The following ZBTB38 variants were observed in gnomAD, a reference collection of about 807,000 sequenced individuals.
The protein encoded by ZBTB38 is zinc finger and BTB domain-containing protein 38.
A neutral mutation model predicts 76.8 loss-of-function variants in ZBTB38; 20 were observed. That is an observed-to-expected ratio of 0.26 (90% confidence interval 0.18 to 0.38). The LOEUF (loss-of-function observed/expected upper bound fraction) is 0.38. ZBTB38 is among the 10% of genes least tolerant of loss of function. The probability of loss-of-function intolerance (pLI) is 1.00; values close to 1 mark genes in which losing one functional copy is unlikely to be tolerated. For missense variants in ZBTB38, 1,082 were observed against 1,482.3 expected (o/e 0.73, Z 4.43); for synonymous variants, 504 against 544.2 (o/e 0.93, Z 1.03).
rs146241604 is a variant in ZBTB38 at position 141,333,363 on chromosome 3, G to A, written c.-739+8907G>A. ...TCACATGGTTGGTTGCTCACTCCAGGCCCACTTCATCCCTGCTTCTGTCTG... is the reference window on the plus strand; with the variant it reads ...TCACATGGTTGGTTGCTCACTCCAGACCCACTTCATCCCTGCTTCTGTCTG... On this transcript the variant is annotated intron_variant, in intron 1 of 7. Transcript: ENST00000509842. Among the ~76,000 whole-genome samples the A allele has an allele frequency of 2.5e-3, 384 of 152,044 alleles. 1 individual carries two copies. The highest frequency in any genetic ancestry group is 8.8e-3 in the African/African-American group (366 of 41,478).
At chr3:141,369,662 C>G (rs1353669333) in intron 1 of ZBTB38, among the ~76,000 whole-genome samples, 1 of 152,154 alleles carries the variant, frequency 6.6e-6, no homozygotes, top group African/African-American at 2.4e-5. Context: ...CAGGGGAGAT[C>G]TGTTCTTCAG....
At position 141,443,623 on chromosome 3, in the gene ZBTB38, A is replaced by G. The variant is rs540832709; in HGVS notation, c.1235A>G (p.Tyr412Cys). 8 of 1,614,116 alleles carry G rather than the reference A, an allele frequency of 5.0e-6. No individual in the cohort carries two copies. The highest frequency in any genetic ancestry group is 3.3e-5 in the Admixed American group (2 of 60,006). ...PGGNQRFLEN[Y>C]PTIGQNGGSF... ...GGAAACCAACGCTTTTTAGAAAACT[A>G]TCCTACCATTGGACAAAATGGAGGT... Residue 412 changes from tyrosine (Y) to cysteine (C), a missense_variant, in exon 6 of 6, where the codon TAT (tyrosine) becomes TGT (cysteine). Transcript: ENST00000321464. This position sits in a 1 kb window ranked among gnomAD's most constrained non-coding sequence, Gnocchi z 5.6.
chr3:141,391,829 C>G (rs935635623), intron 4 of ZBTB38, among the ~76,000 whole-genome samples: 5 of 152,184 alleles, frequency 3.3e-5, no homozygotes, highest in African/African-American at 1.2e-4. Flanking sequence ...TAAAATGCCT[C>G]CCATCAGAGT....
chr3:141,443,316 C>T lies in ZBTB38; in HGVS notation c.928C>T (p.Pro310Ser). The T allele has an allele frequency of 2.5e-6, 4 of 1,614,178 alleles. No individual in the cohort carries two copies. The highest frequency in any genetic ancestry group is 3.4e-6 in the Non-Finnish European group (4 of 1,180,036). The change falls in exon 6 of 6, where the codon CCA (proline) becomes TCA (serine). Residue 310 changes from proline to serine, a missense_variant. Physicochemically the swap from Pro to Ser is moderately conservative, Grantham distance 74. Around this residue, in one of 8 missense-constraint regions of ZBTB38, gnomAD observed 324 missense variants for 359.1 expected, o/e 0.90. Coordinates refer to ENST00000321464, the MANE Select transcript of ZBTB38 (RefSeq NM_001376113.1). The surrounding 1 kb of genome is among the most constrained non-coding windows in gnomAD (Gnocchi z 5.6). ...TGCTGTTCTCACTCGTTCAAAATCTCCAAACAATGAAGGAGATGTCCATTT... is the reference window on the plus strand; with the variant it reads ...TGCTGTTCTCACTCGTTCAAAATCTTCAAACAATGAAGGAGATGTCCATTT... ...PAAVLTRSKS[P>S]NNEGDVHFSR...
chr3:141,441,629 T>TAGGA (rs1274674041), intron 5 of ZBTB38, among the ~76,000 whole-genome samples: 4 of 152,176 alleles, frequency 2.6e-5, no homozygotes, highest in East Asian at 1.9e-4. Flanking sequence ...AGCCACAAAT[T>TAGGA]AGGAAGGGCT....
intron 4 of ZBTB38, among the ~76,000 whole-genome samples, chr3:141,403,711 G>A (rs1953215011): frequency 6.6e-6 from 1 of 152,108 alleles, no homozygotes; most frequent in African/African-American, 2.4e-5. Flanking sequence ...CAGGTTCCGT[G>A]GTCCATTAGA....
Position 141,445,391 on chromosome 3 carries a change from C to T in ZBTB38, c.3003C>T (p.Pro1001=). Residue 1001 remains proline (P), a synonymous_variant, in exon 6 of 6, where the codon CCC becomes CCT. Coordinates refer to ENST00000321464, the MANE Select transcript of ZBTB38 (RefSeq NM_001376113.1). The surrounding 1 kb of genome is among the most constrained non-coding windows in gnomAD (Gnocchi z 6.5). ...KAVGAGNQGR[P]HRHLTSRPYA... ...TGGGGGCTGGAAACCAAGGAAGGCC[C>T]CACCGACATCTTACTTCTCGGCCAT... is the stretch of plus-strand genomic sequence containing the variant. 4.3e-6 allele frequency: 7 copies of T among 1,614,140 alleles called. No individual in the cohort carries two copies.
At chr3:141,335,529 A>T (rs1942990123) in intron 1 of ZBTB38, among the ~76,000 whole-genome samples, 1 of 152,256 alleles carries the variant, frequency 6.6e-6, no homozygotes, top group African/African-American at 2.4e-5. Context: ...AGCACAGATA[A>T]CCTACAAGAT....
intron 4 of ZBTB38, among the ~76,000 whole-genome samples, chr3:141,392,051 T>G (rs554512973): frequency 6.6e-6 from 1 of 152,354 alleles, no homozygotes; most frequent in Admixed American, 6.5e-5. Context: ...GCTATGTGAG[T>G]TAGAAACTAT....
intron 1 of ZBTB38, among the ~76,000 whole-genome samples, chr3:141,346,782 T>TTGTGTGTG (rs56345431): frequency 0.041 from 5,864 of 144,608 alleles, 188 homozygotes; most frequent in Admixed American, 0.094. Context: ...TTGTTTTGTT[T>TTGTGTGTG]TGTGTGTGTG....
chr3:141,352,012 C>G (rs1385159093), intron 1 of ZBTB38, among the ~76,000 whole-genome samples: 2 of 152,060 alleles, frequency 1.3e-5, no homozygotes, highest in Admixed American at 1.3e-4. Flanking sequence ...TCCATATTGA[C>G]TGAGTACTTG....
intron 2 of ZBTB38, among the ~76,000 whole-genome samples, chr3:141,371,431 C>T (rs1944593926): frequency 6.6e-6 from 1 of 151,758 alleles, no homozygotes. Flanking sequence ...TGGCTCACTG[C>T]AGCCTCAACT....
upstream of ZBTB38, among the ~76,000 whole-genome samples, chr3:141,364,783 T>C (rs1943916752): frequency 6.7e-6 from 1 of 148,818 alleles, no homozygotes; most frequent in Non-Finnish European, 1.5e-5. Context: ...AATAAGCTCC[T>C]GAAAACACAC....
intron 1 of ZBTB38, among the ~76,000 whole-genome samples, chr3:141,338,191 G>C (rs111742297): frequency 1.3e-3 from 201 of 152,284 alleles, no homozygotes; most frequent in African/African-American, 3.4e-3. Flanking sequence ...CACTGCTGGT[G>C]GGAGTGTAAA....
At chr3:141,355,840 G>T (rs982322719) in intron 1 of ZBTB38, among the ~76,000 whole-genome samples, 4 of 152,040 alleles carry the variant, frequency 2.6e-5, no homozygotes, top group Non-Finnish European at 4.4e-5. Flanking sequence ...TGAGTGGAGG[G>T]GCTTTATCCT....
chr3:141,420,355 C>T (rs1020842852), intron 5 of ZBTB38, among the ~76,000 whole-genome samples: 1 of 152,142 alleles, frequency 6.6e-6, no homozygotes, highest in Non-Finnish European at 1.5e-5. Flanking sequence ...AACCAAAGAC[C>T]AGCCCAGAGA....
At chr3:141,369,174 A>C (rs1401324887) in intron 1 of ZBTB38, among the ~76,000 whole-genome samples, 1 of 152,052 alleles carries the variant, frequency 6.6e-6, no homozygotes, top group Non-Finnish European at 1.5e-5. Flanking sequence ...TAGATCTTAT[A>C]CTGAGCGATC....
chr3:141,331,663 T>G (rs896729337), intron 1 of ZBTB38, among the ~76,000 whole-genome samples: 1 of 152,218 alleles, frequency 6.6e-6, no homozygotes, highest in African/African-American at 2.4e-5. Context: ...CATTCTTCTC[T>G]GTATTCCTTA....
chr3:141,345,865 C>G (rs1943337527), intron 1 of ZBTB38, among the ~76,000 whole-genome samples: 1 of 152,122 alleles, frequency 6.6e-6, no homozygotes, highest in Non-Finnish European at 1.5e-5. Context: ...ATTGTGACAA[C>G]TGAAGACACC....
Sources: gnomAD v4.1 joint callset for allele counts (sites outside exome capture counted in the v4.1 genomes callset) on GRCh38, gnomAD v4.1.1 for gene constraint, gnomAD v4.1.1 regional missense constraint, Gnocchi (gnomAD v3.1) non-coding constraint, MANE v1.5 for transcripts, NCBI Gene and HGNC (gene_info 2026-07-23, HGNC 2026-07-21) for gene names.